The following SRGAP3 variants were observed in gnomAD, a reference collection of about 807,000 sequenced individuals.
SRGAP3 encodes the protein SLIT-ROBO Rho GTPase-activating protein 3.
In SRGAP3, 39 loss-of-function variants were observed where a neutral mutation model predicts 121.1. That is an observed-to-expected ratio of 0.32 (90% CI 0.25 to 0.42). The LOEUF (loss-of-function observed/expected upper bound fraction) is 0.42, where lower values mean the gene tolerates loss of function less well. Ranked by LOEUF, SRGAP3 falls within the 10% of genes least tolerant of loss-of-function variation. The pLI, the probability that SRGAP3 is intolerant of heterozygous loss-of-function variation, is 1.00. For missense variants in SRGAP3, 1,213 were observed against 1,470.6 expected (o/e 0.82, Z 2.86); for synonymous variants, 601 against 570.0 (o/e 1.05, Z -0.77).
intron 3 of SRGAP3, among the ~76,000 whole-genome samples, chr3:9,295,607 T>A (rs1200236443): frequency 6.6e-6 from 1 of 150,788 alleles, no homozygotes. Context: ...GATTTCCATT[T>A]TTTAGCTCTT....
At chr3:9,359,694 G>A (rs552548418) in intron 1 of SRGAP3, among the ~76,000 whole-genome samples, 3 of 152,284 alleles carry the variant, frequency 2.0e-5, no homozygotes, top group South Asian at 2.1e-4. Flanking sequence ...GGCAAGAGAA[G>A]GTCAGAGAAA....
At chr3:9,323,672 C>T (rs1397851534) in intron 3 of SRGAP3, among the ~76,000 whole-genome samples, 1 of 151,642 alleles carries the variant, frequency 6.6e-6, no homozygotes, top group Admixed American at 6.6e-5. Flanking sequence ...GTGCCCTAAA[C>T]AAATTCTGGG....
chr3:9,224,833 G>A (rs1952932791), intron 1 of SRGAP3, among the ~76,000 whole-genome samples: 1 of 152,208 alleles, frequency 6.6e-6, no homozygotes, highest in African/African-American at 2.4e-5. Flanking sequence ...GTGCAGGGAA[G>A]TGGTGTTGGA....
intron 3 of SRGAP3, among the ~76,000 whole-genome samples, chr3:9,098,937 C>A (rs985144242): frequency 1.3e-5 from 2 of 152,138 alleles, no homozygotes; most frequent in Non-Finnish European, 2.9e-5. Context: ...TGGCTGAAGG[C>A]GCCTCATCCC....
intron 11 of SRGAP3, 66 bp downstream of exon 11, chr3:9,037,997 C>A: frequency 6.2e-7 from 1 of 1,606,826 alleles, no homozygotes; most frequent in Non-Finnish European, 8.5e-7. Flanking sequence ...GGCAGTGCCT[C>A]CCCAGCCCCA....
At chr3:9,190,372 G>A (rs909784260) in intron 1 of SRGAP3, among the ~76,000 whole-genome samples, 1 of 152,198 alleles carries the variant, frequency 6.6e-6, no homozygotes, top group African/African-American at 2.4e-5. Context: ...GCAGGACTCA[G>A]GTAGGACGCT....
At chr3:9,210,910 TATAA>T (rs1666936291) in intron 1 of SRGAP3, among the ~76,000 whole-genome samples, 2 of 152,134 alleles carry the variant, frequency 1.3e-5, no homozygotes, top group Non-Finnish European at 2.9e-5. Context: ...AGCAAAATAG[TATAA>T]ATAATATCTG....
intron 3 of SRGAP3, among the ~76,000 whole-genome samples, chr3:9,303,932 C>T (rs1422466634): frequency 1.3e-5 from 2 of 152,072 alleles, no homozygotes; most frequent in Non-Finnish European, 2.9e-5. Flanking sequence ...GTCCCCATGC[C>T]CTTGAGTGAG....
At chr3:9,282,545 CAGTGGTG>C (rs1434518531) in intron 3 of SRGAP3, among the ~76,000 whole-genome samples, 2 of 152,108 alleles carry the variant, frequency 1.3e-5, no homozygotes, top group Admixed American at 6.5e-5. Context: ...GGCTGGAGTG[CAGTGGTG>C]AGATCTCAGC....
At chr3:9,152,086 GAGGGC>G (rs1161643729) in intron 1 of SRGAP3, among the ~76,000 whole-genome samples, 1 of 152,212 alleles carries the variant, frequency 6.6e-6, no homozygotes, top group African/African-American at 2.4e-5. Flanking sequence ...TACTCTCCAT[GAGGGC>G]AGGGATCATT....
intron 1 of SRGAP3, among the ~76,000 whole-genome samples, chr3:9,152,603 T>C (rs1203027108): frequency 2.0e-5 from 3 of 152,188 alleles, no homozygotes; most frequent in Non-Finnish European, 2.9e-5. Flanking sequence ...AAACCTGGCA[T>C]AGCCCCTGAG....
rs1391516260 is a variant in SRGAP3, at chr3:9,026,980, T to C, written c.1555A>G (p.Ile519Val). 1.5e-5 allele frequency: 24 copies of C among 1,614,084 alleles called. No homozygotes were observed. The South Asian group carries it at 2.2e-4, about 15-fold the overall frequency. Reference protein sequence around the residue: ...EAFIKDSGQAIPLVVESCIRY... With the variant: ...EAFIKDSGQAVPLVVESCIRY... ...ATGCAGCTCTCGACTACAAGCGGTA[T>C]AGCTTGTCCTGAATCCTTGAGAAAA... The change falls in exon 13 of 22, where the codon ATA becomes GTA. Residue 519 changes from isoleucine (I) to valine (V), a missense_variant. Physicochemically the swap from Ile to Val is conservative, Grantham distance 29 (BLOSUM62 3). Coordinates refer to ENST00000383836, the MANE Select transcript of SRGAP3 (RefSeq NM_014850.4).
chr3:9,243,084 G>A (rs1006529645), intron 1 of SRGAP3, among the ~76,000 whole-genome samples: 3 of 152,170 alleles, frequency 2.0e-5, no homozygotes, highest in Non-Finnish European at 4.4e-5. Flanking sequence ...GCCCTCAAGA[G>A]TTCGTGGCCA....
intron 3 of SRGAP3, chr3:9,081,319 C>A (rs1947235589): frequency 2.2e-6 from 1 of 456,014 alleles, no homozygotes; most frequent in Non-Finnish European, 4.4e-6. Flanking sequence ...CAATGAGGAA[C>A]AGGAGAAGTA....
chr3:9,349,582 T>A, intron 1 of SRGAP3: 1 of 171,662 alleles, frequency 5.8e-6, no homozygotes, highest in Non-Finnish European at 1.3e-5. Flanking sequence ...CTCTATTCAT[T>A]CCAGTGGAAG....
chr3:9,248,452 C>G (rs561869212), intron 1 of SRGAP3, among the ~76,000 whole-genome samples: 1 of 151,896 alleles, frequency 6.6e-6, no homozygotes, highest in Non-Finnish European at 1.5e-5. Context: ...ACCACCACCA[C>G]CAACAGAAAC....
chr3:9,056,618 CTTAAT>C (rs1945835340), intron 7 of SRGAP3, among the ~76,000 whole-genome samples: 1 of 152,144 alleles, frequency 6.6e-6, no homozygotes, highest in Non-Finnish European at 1.5e-5. Context: ...TACAAAGAGC[CTTAAT>C]TTAATCTTAT....
intron 1 of SRGAP3, among the ~76,000 whole-genome samples, chr3:9,207,770 G>C (rs929755121): frequency 6.6e-6 from 1 of 152,180 alleles, no homozygotes; most frequent in South Asian, 2.1e-4. Context: ...CTCTTCAGCA[G>C]AAGCAATTCT....
chr3:9,158,361 G>GC (rs1397370665), intron 1 of SRGAP3, among the ~76,000 whole-genome samples: 1 of 152,192 alleles, frequency 6.6e-6, no homozygotes, highest in Non-Finnish European at 1.5e-5. Context: ...TCATTCACAT[G>GC]CAGCCCCCTG....
Sources: gnomAD v4.1 joint callset for allele counts (sites outside exome capture counted in the v4.1 genomes callset) on GRCh38, gnomAD v4.1.1 for gene constraint, MANE v1.5 for transcripts, NCBI Gene and HGNC (gene_info 2026-07-23, HGNC 2026-07-21) for gene names.